KCNN3: variants seen among roughly 807,000 people sequenced by gnomAD.
KCNN3 encodes the protein small conductance calcium-activated potassium channel protein 3.
Under a neutral mutation model 62.9 loss-of-function variants are expected in KCNN3, and 16 were observed. The ratio of observed to expected loss-of-function variants is 0.25; its 90% CI spans 0.17 to 0.39. The LOEUF is 0.39. Ranked by LOEUF, KCNN3 falls within the 10% of genes least tolerant of loss-of-function variation. The pLI is 1.00. For missense variants in KCNN3, 599 were observed against 949.4 expected (o/e 0.63, Z 4.85); for synonymous variants, 370 against 389.2 (o/e 0.95, Z 0.58).
chr1:154,857,834 C>T (rs1375959436), intron 1 of KCNN3, among the ~76,000 whole-genome samples: 1 of 152,172 alleles, frequency 6.6e-6, no homozygotes, highest in Non-Finnish European at 1.5e-5. Context: ...AATAAATATT[C>T]TCTTCTCCAC....
intron 1 of KCNN3, among the ~76,000 whole-genome samples, chr1:154,839,534 GAA>G (rs1651738701): frequency 6.6e-6 from 1 of 152,212 alleles, no homozygotes; most frequent in South Asian, 2.1e-4. Flanking sequence ...CCTGGGTTTG[GAA>G]AAGACACTAC....
At chr1:154,718,318 T>C (rs1401628554) in intron 5 of KCNN3, among the ~76,000 whole-genome samples, 1 of 152,220 alleles carries the variant, frequency 6.6e-6, no homozygotes, top group Non-Finnish European at 1.5e-5. Flanking sequence ...GACAATGGGC[T>C]CTATGATCTA....
intron 2 of KCNN3, among the ~76,000 whole-genome samples, chr1:154,800,606 A>C (rs556183804): frequency 2.5e-4 from 38 of 152,224 alleles, no homozygotes; most frequent in Non-Finnish European, 4.3e-4. Context: ...CCCTGAGAAG[A>C]CTGACACTGG....
intron 1 of KCNN3, among the ~76,000 whole-genome samples, chr1:154,824,848 AC>A (rs1259409110): frequency 6.6e-6 from 1 of 152,086 alleles, no homozygotes; most frequent in Non-Finnish European, 1.5e-5. Flanking sequence ...GGCAACTCCC[AC>A]CTGCTTCTTG....
intron 2 of KCNN3, among the ~76,000 whole-genome samples, chr1:154,815,144 T>C (rs1201129656): frequency 6.6e-6 from 1 of 152,094 alleles, no homozygotes; most frequent in Non-Finnish European, 1.5e-5. Flanking sequence ...GAGAAGTCTG[T>C]CTGGGGGTCT....
intron 3 of KCNN3, among the ~76,000 whole-genome samples, chr1:154,736,519 G>A (rs1557949201): frequency 6.6e-6 from 1 of 152,220 alleles, no homozygotes; most frequent in African/African-American, 2.4e-5. Context: ...AAGGGGTCAG[G>A]CCCCAGATAA....
At chr1:154,759,674 TAG>T (rs1647909372) in intron 3 of KCNN3, among the ~76,000 whole-genome samples, 2 of 152,218 alleles carry the variant, frequency 1.3e-5, no homozygotes, top group South Asian at 4.1e-4. Flanking sequence ...AAAGGTCAGA[TAG>T]TCCTCCCCAG....
In KCNN3 at chr1:154,733,018, G is replaced by A; in HGVS notation, c.1575C>T (p.Leu525=). The change falls in exon 4 of 8, where the codon CTC becomes CTT. Residue 525 remains leucine, a synonymous_variant. Transcript: ENST00000271915. ...GGGTACTCACCATGATGCCAGTGAG[G>A]AGACAGACACCTTTCCCACAGTATG... is the stretch of plus-strand genomic sequence containing the variant. ...PHTYCGKGVC[L]LTGIMGAGCT... 1 of 1,614,126 alleles carries A rather than the reference G, an allele frequency of 6.2e-7. No individual in the cohort carries two copies. The highest frequency in any genetic ancestry group is 1.6e-4 in the Middle Eastern group (1 of 6,062).
chr1:154,785,768 T>G (rs572719369), intron 2 of KCNN3, among the ~76,000 whole-genome samples: 1 of 151,800 alleles, frequency 6.6e-6, no homozygotes, highest in East Asian at 1.9e-4. Flanking sequence ...ACCCGGCTAA[T>G]TTTTGTATTT....
chr1:154,788,181 G>C (rs889168912), intron 2 of KCNN3, among the ~76,000 whole-genome samples: 1 of 152,220 alleles, frequency 6.6e-6, no homozygotes, highest in Admixed American at 6.5e-5. Flanking sequence ...TTTCTAGTTA[G>C]TTCTGAGGTC....
At position 154,869,644 on chromosome 1, in the gene KCNN3, A is replaced by G. The variant is rs1216207825; in HGVS notation, c.321T>C (p.Ala107=). The change falls in exon 1 of 8, where the codon GCT becomes GCC. Residue 107 remains alanine (A), a synonymous_variant. Transcript: ENST00000271915. This position sits in a 1 kb window ranked among gnomAD's most constrained non-coding sequence, Gnocchi z 6.1. The part of the protein sequence containing the change: ...HPGLLHSSPT[A]FRAPPSSNST... ...AGTTGGACGAAGGGGGGGCCCTGAA[A>G]GCGGTGGGAGAGGAGTGCAGCAGGC... 1 of 1,612,332 alleles carries G rather than the reference A, an allele frequency of 6.2e-7. No homozygotes were observed. Among genetic ancestry groups the G allele is most frequent in the South Asian group, 1.1e-5 (1 of 90,886 alleles).
intron 2 of KCNN3, among the ~76,000 whole-genome samples, chr1:154,810,852 C>T (rs1399545503): frequency 2.6e-5 from 4 of 152,328 alleles, no homozygotes; most frequent in East Asian, 3.9e-4. Flanking sequence ...AATTTGAGGA[C>T]GGGCCTCTCT....
chr1:154,736,982 T>C lies in KCNN3; in HGVS notation c.1449-3838A>G. 4 of 700,016 alleles carry C rather than the reference T, an allele frequency of 5.7e-6. No homozygotes were observed. In the South Asian group the frequency reaches 5.9e-5, roughly 10 times the overall value. 43.4% of individuals were successfully genotyped at this position (700,016 alleles called of 1,614,324 possible). ...GGAAGATGCTGAGATGAATTGGACA[T>C]GCACCCTGCTCTCCAGTGGCTTGGA... On this transcript the variant is annotated intron_variant, in intron 3 of 7. Transcript: ENST00000271915.
intron 1 of KCNN3, among the ~76,000 whole-genome samples, chr1:154,842,530 C>A (rs1651876970): frequency 6.6e-6 from 1 of 152,072 alleles, no homozygotes; most frequent in African/African-American, 2.4e-5. Context: ...GGATTTAAAG[C>A]CCCTACCCCT....
chr1:154,866,387 A>G (rs1253527653), intron 1 of KCNN3, among the ~76,000 whole-genome samples: 1 of 152,178 alleles, frequency 6.6e-6, no homozygotes, highest in East Asian at 1.9e-4. Flanking sequence ...CACGTCTCTA[A>G]TTTAATTCTC....
rs577804978 is a variant in KCNN3, at chr1:154,835,219, C to T, written c.934-13035G>A. ...TTAAAACAGCCTATGCAGAGGGTGG[C>T]GATACATTCGGGTTTACCCAGGAGA... On this transcript the variant is annotated intron_variant, in intron 1 of 7. Coordinates refer to ENST00000271915, the MANE Select transcript of KCNN3 (RefSeq NM_002249.6). Among the ~76,000 whole-genome samples, 5 of 152,256 alleles carry T rather than the reference C, an allele frequency of 3.3e-5. No homozygotes were observed. The South Asian group carries it at 8.3e-4, about 25-fold the overall frequency.
At chr1:154,727,996 C>T (rs1700506302) in intron 4 of KCNN3, among the ~76,000 whole-genome samples, 1 of 152,224 alleles carries the variant, frequency 6.6e-6, no homozygotes, top group South Asian at 2.1e-4. Context: ...TCGCTAGGCC[C>T]AGGCAAAACT....
Position 154,770,310 on chromosome 1 carries a change from C to A in KCNN3, c.1448+1665G>T, listed in dbSNP as rs200935510. Among the ~76,000 whole-genome samples the A allele has an allele frequency of 3.9e-5, 6 of 152,264 alleles. No individual in the cohort carries two copies. The East Asian group carries it at 1.2e-3, about 29-fold the overall frequency. ...CCCTTGTTCTGCGGCAGCAGAATGC[C>A]CTCTCAGTTTGACCGTGTGTCTGTT... On this transcript the variant is annotated intron_variant, in intron 3 of 7. Coordinates refer to ENST00000271915, the MANE Select transcript of KCNN3 (RefSeq NM_002249.6).
intron 1 of KCNN3, among the ~76,000 whole-genome samples, chr1:154,827,109 G>A (rs1218007488): frequency 6.6e-6 from 1 of 152,222 alleles, no homozygotes; most frequent in Non-Finnish European, 1.5e-5. Context: ...ACATCACTAT[G>A]TTTTGTGCAT....
Sources: allele counts gnomAD v4.1 joint callset (sites outside exome capture counted in the v4.1 genomes callset), GRCh38; gene constraint gnomAD v4.1.1; non-coding constraint Gnocchi (gnomAD v3.1); transcripts MANE v1.5; gene names NCBI Gene and HGNC (gene_info 2026-07-23, HGNC 2026-07-21).